Variants in LTBP1 observed in about 807,000 individuals in gnomAD.
LTBP1 encodes latent transforming growth factor beta binding protein 1.
LTBP1 carries 129 observed loss-of-function variants against 207.6 expected under a neutral mutation model. The observed-to-expected ratio is 0.62, with a 90% CI of 0.54 to 0.72. LTBP1 has a LOEUF of 0.72. Ranked by LOEUF, LTBP1 falls within the 30% of genes least tolerant of loss-of-function variation. The pLI is 0.00. For missense variants in LTBP1, 2,281 were observed against 2,217.2 expected, an observed-to-expected ratio of 1.03 and a Z score of -0.58; for synonymous variants, 963 against 833.7, an observed-to-expected ratio of 1.16 and a Z score of -2.67.
At position 33,257,153 on chromosome 2, in the gene LTBP1, C is replaced by G. The variant is rs1037355644; in HGVS notation, c.2168-131C>G. ...CGAGCAATTTGCTTACATTTTGCAC[C>G]TGTTTTTGAAGTTTTAAAATGTAAC... On this transcript the variant is annotated intron_variant, in intron 11 of 33. Coordinates refer to ENST00000404816, the MANE Select transcript of LTBP1 (RefSeq NM_206943.4). 4 of 660,672 alleles carry G rather than the reference C, an allele frequency of 6.1e-6. No individual in the cohort carries two copies. In the East Asian group the frequency reaches 1.2e-4, roughly 19 times the overall value. 40.9% of individuals were successfully genotyped at this position (660,672 alleles called of 1,614,324 possible).
intron 7 of LTBP1, among the ~76,000 whole-genome samples, chr2:33,204,735 A>G (rs2089697472): frequency 6.6e-6 from 1 of 152,192 alleles, no homozygotes; most frequent in African/African-American, 2.4e-5. Flanking sequence ...GTGTGCCACC[A>G]TACCTGGCCA....
At chr2:33,309,936 G>T (rs1176743383) in intron 23 of LTBP1, among the ~76,000 whole-genome samples, 1 of 148,170 alleles carries the variant, frequency 6.7e-6, no homozygotes, top group Non-Finnish European at 1.5e-5. Flanking sequence ...TTTTTATCCA[G>T]TGCCCGCCAT....
At chr2:33,284,704 CT>C (rs1295445447) in intron 19 of LTBP1, among the ~76,000 whole-genome samples, 3 of 152,172 alleles carry the variant, frequency 2.0e-5, no homozygotes, top group African/African-American at 7.2e-5. Flanking sequence ...AGGAAACTCT[CT>C]AATATTTAAT....
chr2:33,287,748 G>A (rs537961204), intron 19 of LTBP1, among the ~76,000 whole-genome samples: 1 of 152,342 alleles, frequency 6.6e-6, no homozygotes, highest in South Asian at 2.1e-4. Context: ...TGAGGATTAT[G>A]TAACAAATGT....
chr2:33,234,187 C>T (rs536141245), intron 9 of LTBP1, among the ~76,000 whole-genome samples: 2 of 152,094 alleles, frequency 1.3e-5, no homozygotes, highest in Admixed American at 1.3e-4. Context: ...CACCTTTTCC[C>T]CTCTTCCATC....
intron 3 of LTBP1, among the ~76,000 whole-genome samples, chr2:33,090,950 T>A (rs1312745574): frequency 6.6e-6 from 1 of 152,220 alleles, no homozygotes; most frequent in Non-Finnish European, 1.5e-5. Context: ...TTTGCAGTAA[T>A]GCATGACCTG....
chr2:33,212,913 C>T (rs2090419113), intron 7 of LTBP1, among the ~76,000 whole-genome samples: 2 of 152,174 alleles, frequency 1.3e-5, no homozygotes, highest in South Asian at 2.1e-4. Context: ...ATCTAAAATA[C>T]TTCTAGTCCC....
chr2:33,270,886 A>G (rs2093306082), intron 15 of LTBP1, among the ~76,000 whole-genome samples: 1 of 152,144 alleles, frequency 6.6e-6, no homozygotes, highest in African/African-American at 2.4e-5. Flanking sequence ...AAAATCAACA[A>G]ACATTTTTTA....
At chr2:33,373,375 C>G (rs2095094489) in intron 31 of LTBP1, among the ~76,000 whole-genome samples, 2 of 152,164 alleles carry the variant, frequency 1.3e-5, no homozygotes, top group African/African-American at 4.8e-5. Flanking sequence ...ACATCTGAAT[C>G]AAAAATTCTA....
chr2:33,065,235 G>A (rs554517253), intron 3 of LTBP1, among the ~76,000 whole-genome samples: 1 of 152,222 alleles, frequency 6.6e-6, no homozygotes, highest in Non-Finnish European at 1.5e-5. Context: ...AGTTTTAAAT[G>A]TTAAACCAAC....
chr2:32,960,113 A>T (rs1217775407), intron 2 of LTBP1, among the ~76,000 whole-genome samples: 1 of 152,032 alleles, frequency 6.6e-6, no homozygotes, highest in African/African-American at 2.4e-5. Context: ...GGGTGAGGAT[A>T]CTCCTGCCTC....
chr2:33,363,977 A>G (rs960365697), intron 29 of LTBP1, among the ~76,000 whole-genome samples: 1 of 152,196 alleles, frequency 6.6e-6, no homozygotes, highest in Non-Finnish European at 1.5e-5. Context: ...TATCCTGTTC[A>G]TGGATGTTTT....
At chr2:33,243,890 G>A in intron 10 of LTBP1, 106 bp downstream of exon 10, 1 of 1,256,664 alleles carries the variant, frequency 8.0e-7, no homozygotes, top group Non-Finnish European at 1.1e-6. Flanking sequence ...TAAATATACA[G>A]GAAAACCTCA....
At chr2:33,201,484 G>T (rs191940848) in intron 7 of LTBP1, among the ~76,000 whole-genome samples, 3,815 of 151,254 alleles carry the variant, frequency 0.025, 62 homozygotes, top group Middle Eastern at 0.041. Context: ...GTTGTGGGGT[G>T]GGGGGAGGCG....
intron 15 of LTBP1, among the ~76,000 whole-genome samples, chr2:33,265,738 AT>A (rs1329663058): frequency 1.3e-5 from 2 of 151,964 alleles, no homozygotes; most frequent in Non-Finnish European, 2.9e-5. Flanking sequence ...TTTATTTTAG[AT>A]TTTTTTATTT....
At chr2:33,374,701 C>G (rs1176641029) in intron 31 of LTBP1, among the ~76,000 whole-genome samples, 1 of 152,174 alleles carries the variant, frequency 6.6e-6, no homozygotes, top group African/African-American at 2.4e-5. Context: ...ACGCCTGTAA[C>G]CTCAGCACTT....
At chr2:33,372,059 T>A (rs1260380197) in intron 31 of LTBP1, among the ~76,000 whole-genome samples, 1 of 152,192 alleles carries the variant, frequency 6.6e-6, no homozygotes, top group Non-Finnish European at 1.5e-5. Flanking sequence ...AGGCATCCAC[T>A]GGGGGTCTTG....
chr2:33,111,469 C>G (rs943576151), intron 4 of LTBP1, among the ~76,000 whole-genome samples: 3 of 152,206 alleles, frequency 2.0e-5, no homozygotes, highest in African/African-American at 4.8e-5. Context: ...CACATGTTGA[C>G]TGATTGCCTG....
In LTBP1 at chr2:33,043,352, T is replaced by A. The variant is rs142702510; in HGVS notation, c.863+22146T>A. 3.3e-5 allele frequency among the ~76,000 whole-genome samples: 5 copies of A among 152,262 alleles called. No homozygotes were observed. In the East Asian group the frequency reaches 9.6e-4, roughly 29 times the overall value. ...TACTTATTAAAAGAACCACCTCAGA[T>A]AATATGTTCCTGATTATGTAACTAT... On this transcript the variant is annotated intron_variant, in intron 3 of 33. Coordinates refer to ENST00000404816, the MANE Select transcript of LTBP1 (RefSeq NM_206943.4).
Sources: gnomAD v4.1 joint callset for allele counts (sites outside exome capture counted in the v4.1 genomes callset) on GRCh38, gnomAD v4.1.1 for gene constraint, MANE v1.5 for transcripts, NCBI Gene and HGNC (gene_info 2026-07-23, HGNC 2026-07-21) for gene names.